Variants in FER observed in about 807,000 individuals in gnomAD.
FER encodes the protein tyrosine-protein kinase Fer.
A neutral mutation model predicts 111.0 loss-of-function variants in FER; 63 were observed. The observed-to-expected ratio is 0.57, with a 90% CI of 0.46 to 0.70. FER has a LOEUF of 0.70. Among genes scored for constraint, FER ranks in the 30% least tolerant of loss-of-function variants. FER has a pLI of 0.00. For synonymous variants in FER, 327 were observed against 313.9 expected (o/e 1.04, Z -0.44); for missense variants, 914 against 954.0 (o/e 0.96, Z 0.55).
intron 13 of FER, among the ~76,000 whole-genome samples, chr5:108,974,016 T>A (rs1044475495): frequency 1.3e-5 from 2 of 152,208 alleles, no homozygotes; most frequent in Non-Finnish European, 2.9e-5. Flanking sequence ...AGATCATCAA[T>A]GTTCATCTGA....
At chr5:109,038,328 T>G (rs1770681436) in intron 14 of FER, among the ~76,000 whole-genome samples, 1 of 151,942 alleles carries the variant, frequency 6.6e-6, no homozygotes, top group African/African-American at 2.4e-5. Context: ...TAGGAAAAGC[T>G]AACATACATA....
intron 16 of FER, among the ~76,000 whole-genome samples, chr5:109,050,724 T>G (rs1001350693): frequency 6.6e-6 from 1 of 152,200 alleles, no homozygotes. Flanking sequence ...CTTGTCTGAA[T>G]TTTAAACTGA....
At position 108,817,356 on chromosome 5, in the gene FER, A is replaced by T. The variant is rs573880142; in HGVS notation, c.208-15414A>T. ...ATAAAGACACAGAGACTCCAAAAACATTCTTCTTATGTAATGGGCAAACTC... is the reference window on the plus strand; with the variant it reads ...ATAAAGACACAGAGACTCCAAAAACTTTCTTCTTATGTAATGGGCAAACTC... On this transcript the variant is annotated intron_variant, in intron 3 of 19. Transcript: ENST00000281092. Among the ~76,000 whole-genome samples the T allele has an allele frequency of 2.6e-5, 4 of 152,198 alleles. No individual in the cohort carries two copies. The East Asian group carries it at 7.7e-4, about 29-fold the overall frequency.
intron 3 of FER, among the ~76,000 whole-genome samples, chr5:108,829,075 G>A (rs1382041574): frequency 6.6e-6 from 1 of 152,152 alleles, no homozygotes; most frequent in East Asian, 1.9e-4. Context: ...ATATAGAAAT[G>A]TAGCTTTACT....
At chr5:108,834,136 T>A (rs1009606455) in intron 4 of FER, among the ~76,000 whole-genome samples, 1 of 152,172 alleles carries the variant, frequency 6.6e-6, no homozygotes, top group African/African-American at 2.4e-5. Flanking sequence ...CTCTATATAA[T>A]TGAATTTTCT....
rs1344686505 is a variant in FER at position 108,897,764 on chromosome 5, A to G, written c.1152A>G (p.Leu384=). ...EAKFSAQKEL[L]EQKVQENDGK... is the part of the protein sequence containing the mutation. Reference sequence around the variant, plus strand: ...AGTTTTCAGCACAGAAGGAATTACTAGAGCAAAAAGTGCAAGAAAATGATG... The same window carrying G: ...AGTTTTCAGCACAGAAGGAATTACTGGAGCAAAAAGTGCAAGAAAATGATG... The change falls in exon 10 of 20, where the codon CTA becomes CTG. Residue 384 remains leucine (L), a synonymous_variant. Transcript: ENST00000281092. The G allele has an allele frequency of 8.1e-6, 13 of 1,613,674 alleles. No individual in the cohort carries two copies. Among genetic ancestry groups the G allele is most frequent in the Non-Finnish European group, 1.0e-5 (12 of 1,179,806 alleles).
intron 9 of FER, among the ~76,000 whole-genome samples, chr5:108,894,056 C>T (rs1195096704): frequency 2.0e-5 from 3 of 151,386 alleles, no homozygotes; most frequent in African/African-American, 4.9e-5. Flanking sequence ...CACATGCTGC[C>T]CCTGAAAGAC....
chr5:109,034,762 A>G (rs1468933631), intron 13 of FER, among the ~76,000 whole-genome samples: 1 of 152,112 alleles, frequency 6.6e-6, no homozygotes, highest in Non-Finnish European at 1.5e-5. Flanking sequence ...TGCCTAGGTT[A>G]TCATTGTCTA....
In FER at chr5:108,974,109, C is replaced by T. The variant is rs763810716; in HGVS notation, c.1656+14762C>T. ...CTCTTGAGTTAACATTCAATAAATACGTATTTAGTTGCTTAGTATATCATA... is the reference window on the plus strand; with the variant it reads ...CTCTTGAGTTAACATTCAATAAATATGTATTTAGTTGCTTAGTATATCATA... On this transcript the variant is annotated intron_variant, in intron 13 of 19. Transcript: ENST00000281092. Among the ~76,000 whole-genome samples, 23 of 152,058 alleles carry T rather than the reference C, an allele frequency of 1.5e-4. No individual in the cohort carries two copies. The South Asian group carries it at 2.9e-3, about 19-fold the overall frequency.
intron 11 of FER, 29 bp from the exon 12 acceptor site, chr5:108,954,700 T>C: frequency 2.1e-6 from 3 of 1,401,496 alleles, no homozygotes; most frequent in South Asian, 1.5e-5. Flanking sequence ...TTCTCTAATT[T>C]AGTTTTTTTT....
chr5:108,873,123 C>CT (rs1202105967), intron 8 of FER, among the ~76,000 whole-genome samples: 11 of 151,118 alleles, frequency 7.3e-5, no homozygotes, highest in African/African-American at 2.4e-4. Flanking sequence ...GGTTTGGAAT[C>CT]TTTTTTTTTG....
At chr5:108,882,746 G>C (rs993626033) in intron 8 of FER, among the ~76,000 whole-genome samples, 1 of 151,728 alleles carries the variant, frequency 6.6e-6, no homozygotes, top group African/African-American at 2.4e-5. Context: ...ATTTTAAAGT[G>C]ATATGATAGC....
chr5:108,995,192 T>C (rs1763829628), intron 13 of FER, among the ~76,000 whole-genome samples: 2 of 152,216 alleles, frequency 1.3e-5, no homozygotes, highest in Non-Finnish European at 2.9e-5. Flanking sequence ...TTGTACAGTT[T>C]TAAGGGGAAT....
rs548758463 is a variant in FER, at chr5:109,062,684, A to G, written c.1924+15486A>G. 4.6e-5 allele frequency among the ~76,000 whole-genome samples: 7 copies of G among 152,270 alleles called. No individual in the cohort carries two copies. The South Asian group carries it at 6.2e-4, about 14-fold the overall frequency. ...CTTAGCACCTTAACCTCCAAGTACA[A>G]TAACACCTGTGCTGACTCTGGGAAA... is the stretch of plus-strand genomic sequence containing the variant. On this transcript the variant is annotated intron_variant, in intron 16 of 19. Coordinates refer to ENST00000281092, the MANE Select transcript of FER (RefSeq NM_005246.4).
chr5:109,094,919 T>G (rs1488965175), intron 16 of FER, among the ~76,000 whole-genome samples: 7 of 152,210 alleles, frequency 4.6e-5, no homozygotes, highest in African/African-American at 1.7e-4. Flanking sequence ...TTGTCAAAGT[T>G]GACTATGGCA....
intron 6 of FER, among the ~76,000 whole-genome samples, chr5:108,868,842 G>A (rs1312100899): frequency 6.6e-6 from 1 of 152,050 alleles, no homozygotes; most frequent in Non-Finnish European, 1.5e-5. Flanking sequence ...TAGCACATAA[G>A]CTCTTAGGTT....
intron 17 of FER, among the ~76,000 whole-genome samples, chr5:109,165,687 G>A (rs575342884): frequency 1.3e-5 from 2 of 151,982 alleles, no homozygotes; most frequent in African/African-American, 2.4e-5. Context: ...ATATTGAGCA[G>A]AGTTGGGGAA....
intron 10 of FER, among the ~76,000 whole-genome samples, chr5:108,937,128 C>G (rs1454454036): frequency 6.6e-6 from 1 of 152,016 alleles, no homozygotes; most frequent in African/African-American, 2.4e-5. Context: ...TAGCTCCTGT[C>G]TTGCTTAACT....
intron 14 of FER, among the ~76,000 whole-genome samples, chr5:109,039,555 G>T (rs1770868481): frequency 6.6e-6 from 1 of 152,086 alleles, no homozygotes; most frequent in African/African-American, 2.4e-5. Flanking sequence ...TTTTTAGTAG[G>T]AAATCCAGAT....
Sources: gnomAD v4.1 joint callset for allele counts (sites outside exome capture counted in the v4.1 genomes callset) on GRCh38, gnomAD v4.1.1 for gene constraint, MANE v1.5 for transcripts, NCBI Gene and HGNC (gene_info 2026-07-23, HGNC 2026-07-21) for gene names.